CFH: variants seen among roughly 807,000 people sequenced by gnomAD.
CFH encodes the protein H factor 1 (complement).
Under a neutral mutation model 147.3 loss-of-function variants are expected in CFH, and 53 were observed. The observed-to-expected ratio is 0.36, with a 90% CI of 0.29 to 0.45. CFH has a LOEUF of 0.45. CFH is among the 20% of genes least tolerant of loss of function. The pLI, the probability that CFH is intolerant of heterozygous loss-of-function variation, is 1.00. For synonymous variants in CFH, 536 were observed against 489.4 expected (o/e 1.10, Z -1.26); for missense variants, 1,380 against 1,498.0 (o/e 0.92, Z 1.30).
intron 9 of CFH, among the ~76,000 whole-genome samples, chr1:196,700,461 C>T (rs1668416075): frequency 6.6e-6 from 1 of 151,958 alleles, no homozygotes; most frequent in Non-Finnish European, 1.5e-5. Flanking sequence ...CGAGACCAGG[C>T]TGGCCAACAT....
chr1:196,714,701 A>AGAGAGAGAGAGG (rs1553278117), intron 10 of CFH, among the ~76,000 whole-genome samples: 758 of 69,040 alleles, frequency 0.011, 67 homozygotes, highest in Middle Eastern at 0.027. Flanking sequence ...AGAGAGAGAG[A>AGAGAGAGAGAGG]GAGAGAGAGA....
At chr1:196,742,427 T>C (rs1652839116) in intron 19 of CFH, among the ~76,000 whole-genome samples, 1 of 152,174 alleles carries the variant, frequency 6.6e-6, no homozygotes, top group East Asian at 1.9e-4. Context: ...AATTTATTTA[T>C]ATAGAGTGTT....
intron 9 of CFH, among the ~76,000 whole-genome samples, chr1:196,703,021 G>A (rs1366002639): frequency 6.6e-6 from 1 of 152,198 alleles, no homozygotes; most frequent in Non-Finnish European, 1.5e-5. Flanking sequence ...CAGATATTCA[G>A]AGAAAGTTAC....
At chr1:196,683,091 T>TA (rs1211556720) in intron 6 of CFH, among the ~76,000 whole-genome samples, 5 of 150,982 alleles carry the variant, frequency 3.3e-5, no homozygotes, top group African/African-American at 9.7e-5. Flanking sequence ...GCCCAAAAAT[T>TA]AAAAAATTAA....
At position 196,726,945 on chromosome 1, in the gene CFH, G is replaced by A. The variant is rs1436185302; in HGVS notation, c.2236+5G>A. 2 of 1,608,326 alleles carry A rather than the reference G, an allele frequency of 1.2e-6. No individual in the cohort carries two copies. The stretch of plus-strand genomic sequence containing the variant: ...CCCAACTTCCCCAGTGTGTGGGTGA[G>A]AATACCCTTCTTAAATCAACATTTA... On this transcript the variant is annotated splice_donor_5th_base_variant and intron_variant, in intron 14 of 21. Transcript: ENST00000367429.
chr1:196,658,113 T>G (rs1666767034), intron 1 of CFH, among the ~76,000 whole-genome samples: 1 of 152,140 alleles, frequency 6.6e-6, no homozygotes, highest in Admixed American at 6.5e-5. Context: ...TTAAGTAATA[T>G]TGATTTTTAG....
chr1:196,727,537 A>G (rs1669174667), intron 14 of CFH, among the ~76,000 whole-genome samples: 1 of 152,132 alleles, frequency 6.6e-6, no homozygotes, highest in African/African-American at 2.4e-5. Flanking sequence ...ATGATTAAAT[A>G]TGAGTACTAA....
At chr1:196,738,457 C>T (rs1168270039) in intron 17 of CFH, among the ~76,000 whole-genome samples, 1 of 152,164 alleles carries the variant, frequency 6.6e-6, no homozygotes, top group Non-Finnish European at 1.5e-5. Context: ...TTCCTAGACA[C>T]AATGGGGGTA....
chr1:196,706,092 T>TCCTA (rs960654729), intron 9 of CFH, among the ~76,000 whole-genome samples: 2 of 151,482 alleles, frequency 1.3e-5, no homozygotes, highest in Admixed American at 1.3e-4. Context: ...CTGTGACAGA[T>TCCTA]CCTAGATGCA....
rs1293996740 is a variant in CFH at position 196,742,080 on chromosome 1, T to G, written c.3133+29T>G. 2.5e-6 allele frequency: 4 copies of G among 1,610,002 alleles called. No individual in the cohort carries two copies. The Admixed American group carries it at 5.0e-5, about 20-fold the overall frequency. The stretch of plus-strand genomic sequence containing the variant: ...CTTTGGTGAATTTTCAAAATTTATT[T>G]ATATAATGTGTGGGCCCAGCCCAGT... On this transcript the variant is annotated intron_variant, in intron 19 of 21. Coordinates refer to ENST00000367429, the MANE Select transcript of CFH (RefSeq NM_000186.4).
intron 7 of CFH, among the ~76,000 whole-genome samples, chr1:196,686,402 AATCATCAC>A (rs1667828650): frequency 6.6e-6 from 1 of 152,092 alleles, no homozygotes; most frequent in Non-Finnish European, 1.5e-5. Context: ...AATTTCCAAA[AATCATCAC>A]ATGTAGCAAA....
intron 1 of CFH, 66 bp from the exon 2 acceptor site, chr1:196,672,912 T>C (rs1667330745): frequency 6.6e-6 from 9 of 1,357,872 alleles, no homozygotes; most frequent in Non-Finnish European, 9.3e-6. Flanking sequence ...AAAGCAACAA[T>C]TACCTAAATA....
At chr1:196,691,868 T>C (rs1267685866) in intron 9 of CFH, among the ~76,000 whole-genome samples, 1 of 152,034 alleles carries the variant, frequency 6.6e-6, no homozygotes, top group African/African-American at 2.4e-5. Flanking sequence ...AGTTATAAGT[T>C]ACCTTTTCTT....
At chr1:196,735,084 ATGTTACACACG>A (rs1669369820) in intron 15 of CFH, among the ~76,000 whole-genome samples, 1 of 152,128 alleles carries the variant, frequency 6.6e-6, no homozygotes, top group Non-Finnish European at 1.5e-5. Flanking sequence ...GTGTCCCAGA[ATGTTACACACG>A]TGTGTGTGTG....
intron 15 of CFH, among the ~76,000 whole-genome samples, chr1:196,731,221 C>A (rs1448351959): frequency 6.6e-6 from 1 of 151,632 alleles, no homozygotes; most frequent in East Asian, 1.9e-4. Context: ...TTCTTTTAAT[C>A]TTTTGTGTAT....
intron 16 of CFH, among the ~76,000 whole-genome samples, chr1:196,737,212 A>G (rs1445484063): frequency 6.6e-6 from 1 of 152,168 alleles, no homozygotes; most frequent in Non-Finnish European, 1.5e-5. Context: ...TATTATGTAA[A>G]TGTCAGATAA....
In CFH at chr1:196,745,822, A is replaced by G. The variant is rs779481829; in HGVS notation, c.3316A>G (p.Thr1106Ala). Residue 1106 changes from threonine (T) to alanine (A), a missense_variant, in exon 21 of 22, where the codon ACA (threonine) becomes GCA (alanine). Physicochemically the swap from Thr to Ala is moderately conservative, Grantham distance 58 (BLOSUM62 0). This residue lies in a region of CFH where 123 missense variants were observed against 185.3 expected (regional missense o/e 0.66). Transcript: ENST00000367429. ...WTEPPQCKDSTGKCGPPPPID... is the reference protein window; with the variant it reads ...WTEPPQCKDSAGKCGPPPPID... Reference sequence around the variant, plus strand: ...GATGAAATGATGTTTTTTAGATTCTACAGGAAAATGTGGGCCCCCTCCACC... The same window carrying G: ...GATGAAATGATGTTTTTTAGATTCTGCAGGAAAATGTGGGCCCCCTCCACC... The G allele has an allele frequency of 1.2e-6, 2 of 1,614,088 alleles. No individual in the cohort carries two copies. Among genetic ancestry groups the G allele is most frequent in the Admixed American group, 1.7e-5 (1 of 60,016 alleles).
rs371226643 is a variant in CFH at position 196,700,155 on chromosome 1, A to G, written c.1336+9916A>G. Among the ~76,000 whole-genome samples, 33 of 152,238 alleles carry G rather than the reference A, an allele frequency of 2.2e-4. No homozygotes were observed. In the East Asian group the frequency reaches 3.7e-3, roughly 17 times the overall value. On this transcript the variant is annotated intron_variant, in intron 9 of 21. Coordinates refer to ENST00000367429, the MANE Select transcript of CFH (RefSeq NM_000186.4). ...GATTTCAGCCCCCTTACCCGAATCA[A>G]TTGATGACCTCAATTTTCCAGCCAC...
chr1:196,701,539 G>A (rs1319059507), intron 9 of CFH: 1 of 639,372 alleles, frequency 1.6e-6, no homozygotes, highest in Non-Finnish European at 2.7e-6. Flanking sequence ...GTGGCTTTGA[G>A]ATTATTAAAC....
Sources: gnomAD v4.1 joint callset for allele counts (sites outside exome capture counted in the v4.1 genomes callset) on GRCh38, gnomAD v4.1.1 for gene constraint, gnomAD v4.1.1 regional missense constraint, MANE v1.5 for transcripts, NCBI Gene and HGNC (gene_info 2026-07-23, HGNC 2026-07-21) for gene names.